RIMBP2: variants seen among roughly 807,000 people sequenced by gnomAD.
The protein encoded by RIMBP2 is RIMS-binding protein 2.
In RIMBP2, 48 loss-of-function variants were observed where a neutral mutation model predicts 118.6. That is an observed-to-expected ratio of 0.40 (90% CI 0.32 to 0.51). RIMBP2 has a LOEUF of 0.51. Among genes scored for constraint, RIMBP2 ranks in the 20% least tolerant of loss-of-function variants. RIMBP2 has a pLI of 0.41. For missense variants in RIMBP2, 1,551 were observed against 1,768.3 expected (o/e 0.88, Z 2.20); for synonymous variants, 762 against 742.9 (o/e 1.03, Z -0.42).
intron 3 of RIMBP2, among the ~76,000 whole-genome samples, chr12:130,516,311 A>T (rs12822465): frequency 0.052 from 7,851 of 152,310 alleles, 267 homozygotes; most frequent in South Asian, 0.16. Context: ...CAAAATTAAC[A>T]GCTTAAAACA....
chr12:130,684,124 C>T (rs563801301), intron 1 of RIMBP2, among the ~76,000 whole-genome samples: 64 of 152,246 alleles, frequency 4.2e-4, no homozygotes, highest in African/African-American at 1.5e-3. Flanking sequence ...CCTCCACAAC[C>T]CCTTATCTGA....
At chr12:130,605,135 A>G (rs1163574253) in intron 2 of RIMBP2, among the ~76,000 whole-genome samples, 1 of 152,060 alleles carries the variant, frequency 6.6e-6, no homozygotes, top group Non-Finnish European at 1.5e-5. Flanking sequence ...CCTTTCTCAG[A>G]ACTCATTCCA....
chr12:130,632,122 CA>C (rs2062028482), intron 1 of RIMBP2, among the ~76,000 whole-genome samples: 1 of 152,152 alleles, frequency 6.6e-6, no homozygotes, highest in African/African-American at 2.4e-5. Flanking sequence ...ACGATTTCAG[CA>C]AAAAATAAAA....
intron 2 of RIMBP2, among the ~76,000 whole-genome samples, chr12:130,615,276 C>CATACATATATATAT (rs1455080257): frequency 1.1e-4 from 11 of 100,264 alleles, no homozygotes; most frequent in African/African-American, 4.3e-4. Flanking sequence ...AATACACATA[C>CATACATATATATAT]ATATATATAT....
At chr12:130,544,650 A>G (rs2054940049) in intron 2 of RIMBP2, among the ~76,000 whole-genome samples, 1 of 115,820 alleles carries the variant, frequency 8.6e-6, no homozygotes, top group Admixed American at 1.3e-4. Flanking sequence ...CTCAGGCTGG[A>G]GTGCAGTGGC....
Position 130,620,116 on chromosome 12 carries a change from A to G in RIMBP2, c.-217+8206T>C, listed in dbSNP as rs893371138. On this transcript the variant is annotated intron_variant, in intron 2 of 22. Coordinates refer to ENST00000690449, the MANE Select transcript of RIMBP2 (RefSeq NM_001393629.1). The surrounding 1 kb of genome is among the most constrained non-coding windows in gnomAD (Gnocchi z 5.3). Reference sequence around the variant, plus strand: ...GGCAGTGGCTCACTCTTCTGGCCAGAGCTTCCAGACTCTGCTTTGGAAGTG... The same window carrying G: ...GGCAGTGGCTCACTCTTCTGGCCAGGGCTTCCAGACTCTGCTTTGGAAGTG... 1.3e-5 allele frequency among the ~76,000 whole-genome samples: 2 copies of G among 152,158 alleles called. No homozygotes were observed. Among genetic ancestry groups the G allele is most frequent in the African/African-American group, 2.4e-5 (1 of 41,448 alleles).
At chr12:130,543,922 A>C (rs1247886574) in intron 2 of RIMBP2, among the ~76,000 whole-genome samples, 2 of 152,188 alleles carry the variant, frequency 1.3e-5, no homozygotes, top group Non-Finnish European at 2.9e-5. Context: ...TGTTGATTTA[A>C]TAGAATGTTT....
intron 6 of RIMBP2, among the ~76,000 whole-genome samples, chr12:130,458,865 T>G (rs1446586177): frequency 1.3e-5 from 2 of 151,706 alleles, no homozygotes; most frequent in African/African-American, 4.8e-5. Context: ...GCCAACATGG[T>G]GAAACTCAGT....
At chr12:130,650,973 A>AAAAG (rs1555318469) in intron 1 of RIMBP2, among the ~76,000 whole-genome samples, 2,018 of 143,194 alleles carry the variant, frequency 0.014, 25 homozygotes, top group Non-Finnish European at 0.022. Context: ...AAAAAAAAAA[A>AAAAG]AAAGAAAGAA....
intron 1 of RIMBP2, among the ~76,000 whole-genome samples, chr12:130,664,598 C>T (rs1453977248): frequency 3.3e-5 from 5 of 151,616 alleles, no homozygotes; most frequent in Admixed American, 1.3e-4. Flanking sequence ...ACTCGCCACC[C>T]AGAGAAGCAC....
chr12:130,623,779 G>A lies in RIMBP2; in HGVS notation c.-217+4543C>T, dbSNP rs1170263451. On this transcript the variant is annotated intron_variant, in intron 2 of 22. Transcript: ENST00000690449. The surrounding 1 kb of genome is among the most constrained non-coding windows in gnomAD (Gnocchi z 4.1). Reference sequence around the variant, plus strand: ...GGAGCCTCCATGCACCTGCAAGACCGCCTCAGCCAAGTGAAGAGTGCTGGT... The same window carrying A: ...GGAGCCTCCATGCACCTGCAAGACCACCTCAGCCAAGTGAAGAGTGCTGGT... 4.6e-5 allele frequency among the ~76,000 whole-genome samples: 7 copies of A among 152,254 alleles called. No homozygotes were observed. Among genetic ancestry groups the A allele is most frequent in the Admixed American group, 6.5e-5 (1 of 15,288 alleles).
In RIMBP2 at chr12:130,406,266, T is replaced by A. The variant is rs761224986; in HGVS notation, c.3694-23A>T. 4 of 1,521,892 alleles carry A rather than the reference T, an allele frequency of 2.6e-6. No individual in the cohort carries two copies. In the African/African-American group the frequency reaches 5.5e-5, roughly 21 times the overall value. 94.3% of individuals were successfully genotyped at this position (1,521,892 alleles called of 1,614,324 possible). On this transcript the variant is annotated intron_variant, in intron 20 of 22. Coordinates refer to ENST00000690449, the MANE Select transcript of RIMBP2 (RefSeq NM_001393629.1). ...GGCCTGTGGAGATGAAACATAAAAT[T>A]AATCGTATTTTTCTACACAACAGTA...
intron 1 of RIMBP2, among the ~76,000 whole-genome samples, chr12:130,682,427 GC>G (rs1370994405): frequency 6.6e-6 from 1 of 152,240 alleles, no homozygotes; most frequent in Non-Finnish European, 1.5e-5. Flanking sequence ...GCTGTGCTGA[GC>G]CCCCAGAGTT....
rs1219652508 is a variant in RIMBP2 at position 130,511,507 on chromosome 12, C to T, written c.-126-4737G>A. ...AGCTGGGTCCCACCCCTCCCTATTC[C>T]CCCAAGTCAAGGTTTGTCACTTCCT... On this transcript the variant is annotated intron_variant, in intron 3 of 22. Transcript: ENST00000690449. The surrounding 1 kb of genome is among the most constrained non-coding windows in gnomAD (Gnocchi z 4.3). Among the ~76,000 whole-genome samples, 2 of 152,220 alleles carry T rather than the reference C, an allele frequency of 1.3e-5. No individual in the cohort carries two copies. The highest frequency in any genetic ancestry group is 2.9e-5 in the Non-Finnish European group (2 of 68,046).
rs536337414 is a variant in RIMBP2, at chr12:130,698,720, A to G, written c.-352+17502T>C. Among the ~76,000 whole-genome samples the G allele has an allele frequency of 2.6e-5, 4 of 152,274 alleles. No individual in the cohort carries two copies. The East Asian group carries it at 5.8e-4, about 22-fold the overall frequency. On this transcript the variant is annotated intron_variant, in intron 1 of 22. Transcript: ENST00000690449. The stretch of plus-strand genomic sequence containing the variant: ...AAAAGCAATGGCAACAAAAGCCAAA[A>G]TTGACAAATGGGATCTAATTAAACT...
intron 2 of RIMBP2, among the ~76,000 whole-genome samples, chr12:130,551,475 A>G (rs1241535991): frequency 6.6e-6 from 1 of 152,208 alleles, no homozygotes; most frequent in East Asian, 1.9e-4. Context: ...TCTAAAAAAA[A>G]TGTCCCATAG....
intron 1 of RIMBP2, among the ~76,000 whole-genome samples, chr12:130,664,976 C>A (rs2063856585): frequency 6.6e-6 from 1 of 151,630 alleles, no homozygotes. Context: ...AGCGAGCTGT[C>A]TGGACCAGAG....
intron 1 of RIMBP2, 90 bp downstream of exon 1, chr12:130,716,132 C>G (rs1473866437): frequency 6.6e-6 from 1 of 152,156 alleles, no homozygotes; most frequent in Non-Finnish European, 1.5e-5. Flanking sequence ...CGGCTAACCC[C>G]CTGTGATCAA....
chr12:130,672,734 G>A (rs1042132586), intron 1 of RIMBP2, among the ~76,000 whole-genome samples: 1 of 152,174 alleles, frequency 6.6e-6, no homozygotes, highest in African/African-American at 2.4e-5. Flanking sequence ...GATTGCAGCC[G>A]CTCAGAAACA....
Sources: gnomAD v4.1 joint callset for allele counts (sites outside exome capture counted in the v4.1 genomes callset) on GRCh38, gnomAD v4.1.1 for gene constraint, Gnocchi (gnomAD v3.1) non-coding constraint, MANE v1.5 for transcripts, NCBI Gene and HGNC (gene_info 2026-07-23, HGNC 2026-07-21) for gene names.